The following SUPT3H variants were observed in gnomAD, a reference collection of about 807,000 sequenced individuals.
SUPT3H encodes SPT3 homolog, SAGA and STAGA complex component, also known as transcription initiation protein SPT3 homolog.
In SUPT3H, 44 loss-of-function variants were observed where a neutral mutation model predicts 44.3. That is an observed-to-expected ratio of 0.99 (90% CI 0.78 to 1.28). SUPT3H has a LOEUF of 1.28. SUPT3H is among the 50% of genes most tolerant of loss of function. The pLI is 0.00. For missense variants in SUPT3H, 380 were observed against 387.1 expected (o/e 0.98, Z 0.15); for synonymous variants, 124 against 125.6 (o/e 0.99, Z 0.09).
intron 2 of SUPT3H, among the ~76,000 whole-genome samples, chr6:45,204,891 T>C (rs1382720552): frequency 6.6e-6 from 1 of 152,174 alleles, no homozygotes; most frequent in Admixed American, 6.5e-5. Context: ...CTATTGTCAG[T>C]TTAAAACAGA....
At chr6:44,865,635 A>G (rs763971579) in intron 10 of SUPT3H, among the ~76,000 whole-genome samples, 1 of 152,132 alleles carries the variant, frequency 6.6e-6, no homozygotes, top group Non-Finnish European at 1.5e-5. Flanking sequence ...CATATTCACT[A>G]TCACAAGAAC....
At chr6:45,115,791 G>A (rs1800757816) in intron 2 of SUPT3H, among the ~76,000 whole-genome samples, 1 of 152,056 alleles carries the variant, frequency 6.6e-6, no homozygotes, top group African/African-American at 2.4e-5. Flanking sequence ...TGAATACTGG[G>A]TCTACATCAT....
intron 1 of SUPT3H, among the ~76,000 whole-genome samples, chr6:45,372,951 G>A (rs1181816499): frequency 6.6e-6 from 1 of 152,122 alleles, no homozygotes; most frequent in Non-Finnish European, 1.5e-5. Context: ...CCAAGTAGCA[G>A]GTGCACGCCA....
chr6:45,022,925 G>A (rs1785377899), intron 3 of SUPT3H, among the ~76,000 whole-genome samples: 1 of 151,988 alleles, frequency 6.6e-6, no homozygotes, highest in Non-Finnish European at 1.5e-5. Context: ...ATGTTTGGTT[G>A]AAAAAAATCT....
At chr6:45,045,449 T>C (rs1789235847) in intron 3 of SUPT3H, among the ~76,000 whole-genome samples, 1 of 152,180 alleles carries the variant, frequency 6.6e-6, no homozygotes, top group South Asian at 2.1e-4. Flanking sequence ...GCAGATCTGC[T>C]TATCTATTGT....
At chr6:45,010,950 C>A (rs1257643957) in intron 5 of SUPT3H, among the ~76,000 whole-genome samples, 6 of 152,032 alleles carry the variant, frequency 3.9e-5, no homozygotes, top group African/African-American at 1.2e-4. Context: ...TTGTTAAATG[C>A]TTTTCCTACA....
intron 2 of SUPT3H, among the ~76,000 whole-genome samples, chr6:45,143,101 C>T (rs1805509390): frequency 6.6e-6 from 1 of 152,016 alleles, no homozygotes. Flanking sequence ...GACAGCAACA[C>T]AATAATAGTG....
intron 2 of SUPT3H, among the ~76,000 whole-genome samples, chr6:45,353,615 A>T (rs189039529): frequency 1.7e-4 from 26 of 152,246 alleles, no homozygotes; most frequent in Admixed American, 1.6e-3. Flanking sequence ...CCCTGACATC[A>T]TAAAACAAAA....
chr6:45,121,866 C>T (rs991637547), intron 2 of SUPT3H, among the ~76,000 whole-genome samples: 2 of 151,604 alleles, frequency 1.3e-5, no homozygotes, highest in African/African-American at 2.4e-5. Flanking sequence ...TTAGTAGAGA[C>T]GGGGTTTCAC....
At chr6:44,834,679 T>C (rs1288136841) in intron 10 of SUPT3H, among the ~76,000 whole-genome samples, 1 of 152,126 alleles carries the variant, frequency 6.6e-6, no homozygotes, top group Non-Finnish European at 1.5e-5. Context: ...CACAGTCACA[T>C]GGTTTTCGCC....
intron 6 of SUPT3H, among the ~76,000 whole-genome samples, chr6:44,964,415 T>A (rs888654115): frequency 6.6e-6 from 1 of 150,916 alleles, no homozygotes; most frequent in East Asian, 1.9e-4. Flanking sequence ...TAACTTTTTC[T>A]TCCACCAAGT....
chr6:45,258,700 T>C (rs963658190), intron 2 of SUPT3H, among the ~76,000 whole-genome samples: 2 of 152,170 alleles, frequency 1.3e-5, no homozygotes, highest in Admixed American at 6.5e-5. Context: ...TTGAAATCTG[T>C]CTATGGAAAA....
intron 6 of SUPT3H, among the ~76,000 whole-genome samples, chr6:44,999,892 T>C (rs1372420084): frequency 6.6e-6 from 1 of 152,048 alleles, no homozygotes; most frequent in African/African-American, 2.4e-5. Flanking sequence ...CTCTTTTCTC[T>C]GAAATTAATA....
chr6:44,813,805 CAG>C (rs949464183), intron 11 of SUPT3H, among the ~76,000 whole-genome samples: 1 of 150,354 alleles, frequency 6.7e-6, no homozygotes, highest in African/African-American at 2.5e-5. Flanking sequence ...CATATTGAAG[CAG>C]AGAGAAAAGG....
At chr6:44,810,871 A>G (rs1235488007) in intron 11 of SUPT3H, among the ~76,000 whole-genome samples, 1 of 151,734 alleles carries the variant, frequency 6.6e-6, no homozygotes, top group Non-Finnish European at 1.5e-5. Context: ...GTGCCACTGC[A>G]CTCCAGCCTG....
chr6:45,088,554 G>A (rs1409389454), intron 3 of SUPT3H, among the ~76,000 whole-genome samples: 1 of 152,034 alleles, frequency 6.6e-6, no homozygotes, highest in Admixed American at 6.6e-5. Context: ...ATATGCTCAA[G>A]ACTGTATAAC....
intron 3 of SUPT3H, among the ~76,000 whole-genome samples, chr6:45,043,186 C>A (rs1490078164): frequency 6.6e-6 from 1 of 151,298 alleles, no homozygotes; most frequent in African/African-American, 2.4e-5. Context: ...CACACAAACA[C>A]CAAAACCAAG....
At chr6:45,037,977 A>G (rs1443754095) in intron 3 of SUPT3H, among the ~76,000 whole-genome samples, 1 of 152,142 alleles carries the variant, frequency 6.6e-6, no homozygotes, top group Non-Finnish European at 1.5e-5. Flanking sequence ...AGTTTAAAGG[A>G]TAGGTTTAAT....
At chr6:45,159,761 G>T (rs1476697989) in intron 2 of SUPT3H, among the ~76,000 whole-genome samples, 1 of 152,018 alleles carries the variant, frequency 6.6e-6, no homozygotes, top group Non-Finnish European at 1.5e-5. Context: ...TTGGTTTGTT[G>T]GTTGTTCTTG....
Sources: gnomAD v4.1 joint callset for allele counts (sites outside exome capture counted in the v4.1 genomes callset) on GRCh38, gnomAD v4.1.1 for gene constraint, MANE v1.5 for transcripts, NCBI Gene and HGNC (gene_info 2026-07-23, HGNC 2026-07-21) for gene names.